GLIS3: variants seen among roughly 807,000 people sequenced by gnomAD.
The protein encoded by GLIS3 is GLIS family zinc finger 3.
GLIS3 carries 53 observed loss-of-function variants against 78.6 expected under a neutral mutation model. The ratio of observed to expected loss-of-function variants is 0.67; its 90% confidence interval spans 0.54 to 0.85. The LOEUF (loss-of-function observed/expected upper bound fraction) is 0.85, where lower values mean the gene tolerates loss of function less well. GLIS3 is among the 40% of genes least tolerant of loss of function. GLIS3 has a pLI of 0.00. For missense variants in GLIS3, 1,703 were observed against 1,231.1 expected, an observed-to-expected ratio of 1.38 and a Z score of -5.74; for synonymous variants, 684 against 509.9, an observed-to-expected ratio of 1.34 and a Z score of -4.60.
intron 2 of GLIS3, among the ~76,000 whole-genome samples, chr9:4,275,788 A>G (rs1279339995): frequency 3.3e-5 from 5 of 152,076 alleles, no homozygotes; most frequent in African/African-American, 7.2e-5. Flanking sequence ...AAGTAAGTAA[A>G]TAAATAAATA....
intron 2 of GLIS3, among the ~76,000 whole-genome samples, chr9:4,195,420 C>T (rs1007323452): frequency 2.6e-5 from 4 of 152,216 alleles, no homozygotes; most frequent in African/African-American, 9.6e-5. Context: ...CGGCCCCAGA[C>T]AGTGAGGGGC....
chr9:3,941,183 A>G (rs1378613876), intron 4 of GLIS3, among the ~76,000 whole-genome samples: 4 of 152,164 alleles, frequency 2.6e-5, no homozygotes, highest in Non-Finnish European at 5.9e-5. Flanking sequence ...TCTTGTGACA[A>G]AAGTAAAGCA....
In GLIS3 at chr9:4,120,242, G is replaced by C. The variant is rs575075546; in HGVS notation, c.597-1361C>G. Among the ~76,000 whole-genome samples, 8 of 152,232 alleles carry C rather than the reference G, an allele frequency of 5.3e-5. No homozygotes were observed. In the South Asian group the frequency reaches 1.0e-3, roughly 20 times the overall value. ...AGGCCACAAACACCATTTCATACAA[G>C]CATATGATATTAGCAAGAAAAACAT... On this transcript the variant is annotated intron_variant, in intron 3 of 10. Transcript: ENST00000381971.
intron 2 of GLIS3, among the ~76,000 whole-genome samples, chr9:4,210,180 G>A (rs1394686545): frequency 2.0e-5 from 3 of 152,148 alleles, no homozygotes; most frequent in Non-Finnish European, 4.4e-5. Context: ...CCTAATTCCA[G>A]TAATAGAAGC....
Position 4,118,935 on chromosome 9 carries a change from T to C in GLIS3, c.597-54A>G, listed in dbSNP as rs1365568481. 2 of 1,557,170 alleles carry C rather than the reference T, an allele frequency of 1.3e-6. No homozygotes were observed. The highest frequency in any genetic ancestry group is 8.7e-7 in the Non-Finnish European group (1 of 1,153,272). ...AAAAAAGATAAACATTTTAGCAGGA[T>C]ACGGATTGCTTAAGAGCTAAAAGAA... On this transcript the variant is annotated intron_variant, in intron 3 of 10. Transcript: ENST00000381971. The surrounding 1 kb of genome is among the most constrained non-coding windows in gnomAD (Gnocchi z 4.7).
intron 2 of GLIS3, among the ~76,000 whole-genome samples, chr9:4,171,881 T>C (rs181229786): frequency 6.6e-6 from 1 of 152,316 alleles, no homozygotes; most frequent in Admixed American, 6.5e-5. Flanking sequence ...AAGGAATACA[T>C]TTAAAAAGTC....
At chr9:4,364,343 T>C in the GLIS3 span, among the ~76,000 whole-genome samples, 1 of 152,216 alleles carries the variant, frequency 6.6e-6, no homozygotes, top group Non-Finnish European at 1.5e-5. Context: ...AAACAGTGTA[T>C]AGCATACCTT....
At chr9:4,431,257 TA>T in the GLIS3 span, among the ~76,000 whole-genome samples, 1 of 152,218 alleles carries the variant, frequency 6.6e-6, no homozygotes, top group Non-Finnish European at 1.5e-5. Context: ...AAACTTCACA[TA>T]TTCGTGAATC....
intron 4 of GLIS3, among the ~76,000 whole-genome samples, chr9:3,991,732 C>T (rs369462542): frequency 8.2e-5 from 11 of 134,412 alleles, no homozygotes; most frequent in Non-Finnish European, 1.5e-4. Flanking sequence ...ACTCTGTCGC[C>T]CAGGCTGGAG....
chr9:4,404,979 G>A, the GLIS3 span, among the ~76,000 whole-genome samples: 3 of 152,002 alleles, frequency 2.0e-5, no homozygotes, highest in Admixed American at 6.6e-5. Flanking sequence ...TTTAACCAGA[G>A]TAACTAGGAA....
At chr9:4,146,958 A>T (rs1260416068) in intron 2 of GLIS3, among the ~76,000 whole-genome samples, 1 of 152,142 alleles carries the variant, frequency 6.6e-6, no homozygotes, top group Non-Finnish European at 1.5e-5. Context: ...GATTGTCCCA[A>T]AGCATCTTTA....
chr9:4,283,709 G>A (rs939767066), intron 2 of GLIS3, among the ~76,000 whole-genome samples: 1 of 152,166 alleles, frequency 6.6e-6, no homozygotes, highest in Admixed American at 6.5e-5. Context: ...TAGAGTAAAT[G>A]ATCAAAGTTC....
At position 4,199,649 on chromosome 9, in the gene GLIS3, C is replaced by A. The variant is rs575231958; in HGVS notation, c.389-73708G>T. Among the ~76,000 whole-genome samples, 137 of 151,670 alleles carry A rather than the reference C, an allele frequency of 9.0e-4. 1 individual carries two copies. The highest frequency in any genetic ancestry group is 1.7e-3 in the Non-Finnish European group (113 of 67,896). ...TGCACCTAACATTGGAGCACTCATA[C>A]TCATAAAACAAGTACTTCTAGACCT... On this transcript the variant is annotated intron_variant, in intron 2 of 10. Coordinates refer to ENST00000381971, the MANE Select transcript of GLIS3 (RefSeq NM_001042413.2).
the GLIS3 span, among the ~76,000 whole-genome samples, chr9:4,357,147 T>C: frequency 6.6e-6 from 1 of 152,222 alleles, no homozygotes; most frequent in Non-Finnish European, 1.5e-5. Context: ...CTTTGGGGAA[T>C]AACCCTGTGA....
At chr9:3,879,658 C>A in intron 7 of GLIS3, 63 bp from the exon 8 acceptor site, 1 of 1,565,934 alleles carries the variant, frequency 6.4e-7, no homozygotes, top group Non-Finnish European at 8.7e-7. Context: ...TTTTTAAATA[C>A]CGAAGCCTGA....
intron 2 of GLIS3, among the ~76,000 whole-genome samples, chr9:4,183,875 G>C (rs778424652): frequency 1.3e-5 from 2 of 152,114 alleles, no homozygotes; most frequent in Non-Finnish European, 2.9e-5. Flanking sequence ...TAAGGGCAGA[G>C]AACTATAAAT....
chr9:4,283,957 A>G (rs1053162531), intron 2 of GLIS3, among the ~76,000 whole-genome samples: 2 of 152,228 alleles, frequency 1.3e-5, no homozygotes, highest in African/African-American at 4.8e-5. Flanking sequence ...AAGCTGAGCA[A>G]GGAAACAAAA....
intron 4 of GLIS3, among the ~76,000 whole-genome samples, chr9:3,944,888 G>A (rs141574407): frequency 6.6e-5 from 10 of 152,338 alleles, no homozygotes; most frequent in Non-Finnish European, 1.3e-4. Context: ...ATACTGTGTC[G>A]TATCATGGCA....
chr9:4,419,675 G>C, the GLIS3 span, among the ~76,000 whole-genome samples: 1 of 152,102 alleles, frequency 6.6e-6, no homozygotes, highest in Non-Finnish European at 1.5e-5. Flanking sequence ...AGCTACTTGG[G>C]AGGCTGAGGC....
Sources: gnomAD v4.1 joint callset for allele counts (sites outside exome capture counted in the v4.1 genomes callset) on GRCh38, gnomAD v4.1.1 for gene constraint, Gnocchi (gnomAD v3.1) non-coding constraint, MANE v1.5 for transcripts, NCBI Gene and HGNC (gene_info 2026-07-23, HGNC 2026-07-21) for gene names.